Variants in ODAD2 observed in about 807,000 individuals in gnomAD.
The protein encoded by ODAD2 is outer dynein arm docking complex subunit 2.
In ODAD2, 89 loss-of-function variants were observed where a neutral mutation model predicts 106.8. That is an observed-to-expected ratio of 0.83 (90% CI 0.70 to 0.99). The LOEUF (loss-of-function observed/expected upper bound fraction) is 0.99, where lower values mean the gene tolerates loss of function less well. ODAD2 is among the 50% of genes least tolerant of loss of function. The pLI, the probability that ODAD2 is intolerant of heterozygous loss-of-function variation, is 0.00. For synonymous variants in ODAD2, 404 were observed against 436.2 expected (o/e 0.93, Z 0.92); for missense variants, 1,168 against 1,238.5 (o/e 0.94, Z 0.85).
chr10:27,966,127 G>A (rs948474845), intron 9 of ODAD2, among the ~76,000 whole-genome samples: 8 of 126,122 alleles, frequency 6.3e-5, no homozygotes, highest in Non-Finnish European at 1.5e-4. Context: ...TTGGCACAGA[G>A]AGCCCCAATT....
chr10:27,935,788 ATATATATG>A (rs1177129381), intron 15 of ODAD2, among the ~76,000 whole-genome samples: 1 of 151,706 alleles, frequency 6.6e-6, no homozygotes, highest in African/African-American at 2.4e-5. Flanking sequence ...TTGCACTCTG[ATATATATG>A]TATATATGTA....
chr10:27,986,108 T>C (rs534156698), intron 3 of ODAD2, among the ~76,000 whole-genome samples: 2 of 152,266 alleles, frequency 1.3e-5, no homozygotes, highest in East Asian at 3.9e-4. Context: ...TCATGGGATA[T>C]GCCAAGGCCT....
Position 27,862,534 on chromosome 10 carries a change from C to T in ODAD2, c.2699G>A (p.Ser900Asn). 1.9e-6 allele frequency: 3 copies of T among 1,611,844 alleles called. No homozygotes were observed. Among genetic ancestry groups the T allele is most frequent in the Non-Finnish European group, 2.5e-6 (3 of 1,179,018 alleles). Reference protein sequence around the residue: ...LKSDNKEVLASVCAAITNIAK... With the variant: ...LKSDNKEVLANVCAAITNIAK... ...TATGTTGGTAATGGCAGCACATACA[C>T]TTGCCAGAACTTCTTTGTTATCTGA... Residue 900 changes from serine (S) to asparagine (N), a missense_variant, in exon 18 of 20, where the codon AGT becomes AAT. Physicochemically the swap from Ser to Asn is conservative, Grantham distance 46. Around this residue, in one of 3 missense-constraint regions of ODAD2, gnomAD observed 701 missense variants for 712.3 expected, o/e 0.98. Coordinates refer to ENST00000305242, the MANE Select transcript of ODAD2 (RefSeq NM_018076.5).
At chr10:27,895,383 T>C (rs1842796307) in intron 17 of ODAD2, among the ~76,000 whole-genome samples, 1 of 152,218 alleles carries the variant, frequency 6.6e-6, no homozygotes, top group Non-Finnish European at 1.5e-5. Context: ...AACTGCAGCC[T>C]CCTGGGTTCA....
At chr10:27,854,101 A>T (rs1345640351) in intron 19 of ODAD2, among the ~76,000 whole-genome samples, 1 of 152,228 alleles carries the variant, frequency 6.6e-6, no homozygotes, top group African/African-American at 2.4e-5. Flanking sequence ...GAGGAGTTAT[A>T]CAGCTGATAT....
intron 17 of ODAD2, 77 bp from the exon 18 acceptor site, chr10:27,862,699 A>G (rs1840141128): frequency 2.8e-6 from 3 of 1,062,670 alleles, no homozygotes; most frequent in Admixed American, 5.3e-5. Context: ...AGAAAGTAAC[A>G]ATACAGCTGT....
rs773771083 is a variant in ODAD2, at chr10:27,924,012, A to AAGAGAGAG, written c.2495+10997_2495+10998insCTCTCTCT. ...AAAGAAAGAAAGAAAGAAAGAAAGA[A>AAGAGAGAG]AGAAAGAAAGAAGGAAAGAGAAAGA... On this transcript the variant is annotated intron_variant, in intron 16 of 19. Transcript: ENST00000305242. 7.7e-3 allele frequency among the ~76,000 whole-genome samples: 876 copies of AAGAGAGAG among 113,276 alleles called. 64 individuals are homozygous for AAGAGAGAG. The highest frequency in any genetic ancestry group is 0.034 in the African/African-American group (827 of 24,600). 74.3% of individuals were successfully genotyped at this position (113,276 alleles called of 152,430 possible).
chr10:27,824,906 C>T (rs1471674946), intron 19 of ODAD2, among the ~76,000 whole-genome samples: 2 of 152,114 alleles, frequency 1.3e-5, no homozygotes, highest in Non-Finnish European at 2.9e-5. Flanking sequence ...ACTGAGATTT[C>T]CCCAGAATTT....
intron 16 of ODAD2, among the ~76,000 whole-genome samples, chr10:27,932,162 C>G (rs1344620686): frequency 6.6e-6 from 1 of 152,070 alleles, no homozygotes; most frequent in Non-Finnish European, 1.5e-5. Context: ...TTTTGAACTC[C>G]TGGCCTCCAG....
chr10:27,843,351 AG>A (rs1216011490), intron 19 of ODAD2, among the ~76,000 whole-genome samples: 1 of 152,240 alleles, frequency 6.6e-6, no homozygotes, highest in Non-Finnish European at 1.5e-5. Flanking sequence ...AAATATACAA[AG>A]CTTGAATGCA....
At chr10:27,940,830 T>C in intron 12 of ODAD2, 25 bp from the exon 13 acceptor site, 1 of 1,599,820 alleles carries the variant, frequency 6.3e-7, no homozygotes, top group Non-Finnish European at 8.5e-7. Flanking sequence ...AAATCCAATG[T>C]TCATGGAAAT....
Position 27,983,960 on chromosome 10 carries a change from T to C in ODAD2, c.702A>G (p.Gly234=). The part of the protein sequence containing the change: ...EYTSDYEFSN[G]CRAPPWRQIR... Reference sequence around the variant, plus strand: ...TTTGTCTCCACGGTGGGGCTCGACATCCATTTGAAAATTCATAATCTGAAA... The same window carrying C: ...TTTGTCTCCACGGTGGGGCTCGACACCCATTTGAAAATTCATAATCTGAAA... Residue 234 remains glycine (G), a synonymous_variant, in exon 6 of 20, where the codon GGA becomes GGG. Transcript: ENST00000305242. The C allele has an allele frequency of 1.2e-6, 2 of 1,607,912 alleles. No individual in the cohort carries two copies. The highest frequency in any genetic ancestry group is 1.3e-5 in the African/African-American group (1 of 74,528).
intron 10 of ODAD2, among the ~76,000 whole-genome samples, chr10:27,955,716 T>TGC (rs1338609274): frequency 4.0e-5 from 6 of 151,300 alleles, no homozygotes; most frequent in Admixed American, 4.0e-4. Flanking sequence ...TGTGTGTGTG[T>TGC]GTGTGTGTGT....
At chr10:27,866,919 CAAT>C (rs1315772976) in intron 17 of ODAD2, among the ~76,000 whole-genome samples, 2 of 152,012 alleles carry the variant, frequency 1.3e-5, no homozygotes, top group African/African-American at 2.4e-5. Context: ...CGAACTATCT[CAAT>C]GATGTTATAG....
intron 19 of ODAD2, among the ~76,000 whole-genome samples, chr10:27,830,339 C>T (rs956113948): frequency 6.6e-6 from 1 of 152,126 alleles, no homozygotes; most frequent in African/African-American, 2.4e-5. Context: ...TAACAATTGC[C>T]CCAAACCACT....
chr10:27,837,165 G>C (rs1324969803), intron 19 of ODAD2, among the ~76,000 whole-genome samples: 1 of 152,152 alleles, frequency 6.6e-6, no homozygotes, highest in Non-Finnish European at 1.5e-5. Flanking sequence ...TGCCTCTCTG[G>C]GTCACAGCAA....
intron 9 of ODAD2, among the ~76,000 whole-genome samples, chr10:27,963,838 C>T (rs143254607): frequency 1.3e-5 from 2 of 152,038 alleles, no homozygotes; most frequent in African/African-American, 4.8e-5. Context: ...ACAAGAGTTC[C>T]GGACAACAGA....
At position 27,834,034 on chromosome 10, in the gene ODAD2, T is replaced by G. The variant is rs116265005; in HGVS notation, c.3022-21409A>C. Reference sequence around the variant, plus strand: ...CAGCACCAAGGTGCTGGCCAGAAGGTGAGTGACATCCAGGCCCTGCTCTGC... The same window carrying G: ...CAGCACCAAGGTGCTGGCCAGAAGGGGAGTGACATCCAGGCCCTGCTCTGC... On this transcript the variant is annotated intron_variant, in intron 19 of 19. Coordinates refer to ENST00000305242, the MANE Select transcript of ODAD2 (RefSeq NM_018076.5). Among the ~76,000 whole-genome samples, 920 of 152,252 alleles carry G rather than the reference T, an allele frequency of 6.0e-3. 5 individuals carry two copies. Among genetic ancestry groups the G allele is most frequent in the African/African-American group, 0.021 (867 of 41,554 alleles).
chr10:27,858,329 A>G (rs1839802015), intron 19 of ODAD2, among the ~76,000 whole-genome samples: 1 of 152,150 alleles, frequency 6.6e-6, no homozygotes, highest in South Asian at 2.1e-4. Flanking sequence ...GAGAGAGACA[A>G]TCTCCAGGTT....
Sources: gnomAD v4.1 joint callset for allele counts (sites outside exome capture counted in the v4.1 genomes callset) on GRCh38, gnomAD v4.1.1 for gene constraint, gnomAD v4.1.1 regional missense constraint, MANE v1.5 for transcripts, NCBI Gene and HGNC (gene_info 2026-07-23, HGNC 2026-07-21) for gene names.